The following SLC26A8 variants were observed in gnomAD, a reference collection of about 807,000 sequenced individuals.
The protein encoded by SLC26A8 is testis anion transporter 1.
A neutral mutation model predicts 105.0 loss-of-function variants in SLC26A8; 70 were observed. The ratio of observed to expected loss-of-function variants is 0.67; its 90% CI spans 0.55 to 0.81. The LOEUF is 0.81. Ranked by LOEUF, SLC26A8 falls within the 40% of genes least tolerant of loss-of-function variation. The probability of loss-of-function intolerance (pLI) is 0.00; values close to 1 mark genes in which losing one functional copy is unlikely to be tolerated. For synonymous variants in SLC26A8, 415 were observed against 438.3 expected (o/e 0.95, Z 0.66); for missense variants, 998 against 1,181.8 (o/e 0.84, Z 2.28).
At chr6:35,995,152 A>G (rs1418875686) in intron 5 of SLC26A8, among the ~76,000 whole-genome samples, 4 of 152,244 alleles carry the variant, frequency 2.6e-5, no homozygotes, top group Non-Finnish European at 5.9e-5. Flanking sequence ...TATCACTCAT[A>G]TATGCAAATA....
intron 3 of SLC26A8, among the ~76,000 whole-genome samples, chr6:36,006,263 G>A (rs1761681528): frequency 1.3e-5 from 2 of 152,160 alleles, no homozygotes; most frequent in East Asian, 3.9e-4. Context: ...GGGATTACAG[G>A]CACATACCAC....
chr6:35,992,791 G>A, intron 5 of SLC26A8, 117 bp from the exon 6 acceptor site: 1 of 932,166 alleles, frequency 1.1e-6, no homozygotes, highest in Non-Finnish European at 1.6e-6. Flanking sequence ...GGCCCCTTTG[G>A]TAACTCTTGT....
In SLC26A8 at chr6:35,981,703, C is replaced by G. The variant is rs567601311; in HGVS notation, c.1025+418G>C. ...AAATAAAACAGGGCATCTATTTAGT[C>G]TAAGTTTGTGAAGGCAAAAGGAACG... On this transcript the variant is annotated intron_variant, in intron 8 of 19. Transcript: ENST00000490799. This position sits in a 1 kb window ranked among gnomAD's most constrained non-coding sequence, Gnocchi z 4.0. Among the ~76,000 whole-genome samples the G allele has an allele frequency of 2.6e-5, 4 of 152,150 alleles. No individual in the cohort carries two copies. In the South Asian group the frequency reaches 6.2e-4, roughly 24 times the overall value.
At position 35,955,382 on chromosome 6, in the gene SLC26A8, C is replaced by T. The variant is rs141797526; in HGVS notation, c.2002G>A (p.Val668Met). The T allele has an allele frequency of 1.1e-5, 18 of 1,614,202 alleles. No individual in the cohort carries two copies. The highest frequency in any genetic ancestry group is 5.5e-5 in the South Asian group (5 of 91,088). Residue 668 changes from valine to methionine, a missense_variant, in exon 17 of 20, where the codon GTG (valine) becomes ATG (methionine). Physicochemically the swap from Val to Met is conservative, Grantham distance 21 (BLOSUM62 1). Transcript: ENST00000490799. ...TGTTGCCCTTGATTTTTCTGAGACA[C>T]GGACGATACTGTGTATGGCACTTGG... ...EDQVPYTVSS[V>M]SQKNQGQQYE...
intron 1 of SLC26A8, among the ~76,000 whole-genome samples, chr6:36,023,208 T>TCCA (rs1487708465): frequency 1.3e-4 from 20 of 151,370 alleles, no homozygotes; most frequent in African/African-American, 4.6e-4. Context: ...CATCCATCCA[T>TCCA]TTATCTAATT....
chr6:35,987,537 A>G (rs1042638572), intron 7 of SLC26A8, among the ~76,000 whole-genome samples: 2 of 152,048 alleles, frequency 1.3e-5, no homozygotes, highest in Non-Finnish European at 2.9e-5. Context: ...ATGCCCAGCT[A>G]ATTTTTTTGT....
chr6:35,977,205 T>C lies in SLC26A8; in HGVS notation c.1172A>G (p.Gln391Arg), dbSNP rs1049238385. 1 of 1,613,252 alleles carries C rather than the reference T, an allele frequency of 6.2e-7. No individual in the cohort carries two copies. Among genetic ancestry groups the C allele is most frequent in the Non-Finnish European group, 8.5e-7 (1 of 1,179,658 alleles). Residue 391 changes from glutamine to arginine, a missense_variant and splice_region_variant, in exon 9 of 20, where the codon CAG (glutamine) becomes CGG (arginine). By Grantham distance (43) the Gln-to-Arg change is conservative (BLOSUM62 1). Transcript: ENST00000490799. Reference sequence around the variant, plus strand: ...CAGAGGAAGTAGTAGTCCTCTCACCTGGTTGGAATTGACACTGTAATTGTG... The same window carrying C: ...CAGAGGAAGTAGTAGTCCTCTCACCCGGTTGGAATTGACACTGTAATTGTG... ...SLHNYSVNSN[Q>R]DLIAIGLCNV...
chr6:35,984,254 T>C (rs74588679), intron 7 of SLC26A8, among the ~76,000 whole-genome samples: 1 of 152,006 alleles, frequency 6.6e-6, no homozygotes, highest in East Asian at 1.9e-4. Flanking sequence ...TCATGAAGCA[T>C]TGTAATTATT....
At chr6:35,952,634 A>G (rs1471453318) in intron 17 of SLC26A8, among the ~76,000 whole-genome samples, 1 of 152,192 alleles carries the variant, frequency 6.6e-6, no homozygotes, top group African/African-American at 2.4e-5. Context: ...AAAGGGCCAC[A>G]ACAGACTCTA....
At chr6:35,951,047 C>CA in intron 19 of SLC26A8, 116 bp downstream of exon 19, 1 of 1,021,126 alleles carries the variant, frequency 9.8e-7, no homozygotes. Flanking sequence ...CTTTCCTGGA[C>CA]ATTATTCCTC....
At chr6:35,977,101 C>G in intron 9 of SLC26A8, 103 bp downstream of exon 9, 1 of 1,292,974 alleles carries the variant, frequency 7.7e-7, no homozygotes, top group African/African-American at 1.5e-5. Context: ...AAACCATGGT[C>G]CAAGTGGCTC....
intron 11 of SLC26A8, among the ~76,000 whole-genome samples, chr6:35,966,209 C>T (rs758481762): frequency 3.6e-4 from 55 of 152,190 alleles, no homozygotes; most frequent in African/African-American, 1.2e-3. Flanking sequence ...AGTAGAGGAG[C>T]GAAAAGCAAA....
At chr6:35,957,699 T>C (rs1772137614) in intron 16 of SLC26A8, among the ~76,000 whole-genome samples, 1 of 151,498 alleles carries the variant, frequency 6.6e-6, no homozygotes, top group Non-Finnish European at 1.5e-5. Flanking sequence ...TTCCGCCTCC[T>C]GGGTTCAAGC....
rs138344479 is a variant in SLC26A8 at position 35,955,184 on chromosome 6, C to A, written c.2200G>T (p.Val734Leu). Residue 734 changes from valine to leucine, a missense_variant, in exon 17 of 20, where the codon GTG becomes TTG. Transcript: ENST00000490799. Reference protein sequence around the residue: ...IILDFSMVHYVDSRGLVVLRQ... With the variant: ...IILDFSMVHYLDSRGLVVLRQ... Reference sequence around the variant, plus strand: ...AATACGACTAACCCCCGTGAATCCACGTAGTGTACCATGGAGAAATCCAGG... The same window carrying A: ...AATACGACTAACCCCCGTGAATCCAAGTAGTGTACCATGGAGAAATCCAGG... 1.1e-5 allele frequency: 18 copies of A among 1,614,016 alleles called. No homozygotes were observed. Among genetic ancestry groups the A allele is most frequent in the Non-Finnish European group, 1.5e-5 (18 of 1,180,036 alleles).
At position 35,997,881 on chromosome 6, in the gene SLC26A8, G is replaced by C. The variant is rs1350098973; in HGVS notation, c.484C>G (p.Leu162Val). Residue 162 changes from leucine to valine, a missense_variant, in exon 5 of 20, where the codon CTG becomes GTG. Coordinates refer to ENST00000490799, the MANE Select transcript of SLC26A8 (RefSeq NM_052961.4). ...CCGTTGTTGAATGGGCTCACTTTCA[G>C]AACGTTGATCAGCAGAGCACTCACC... Reference protein sequence around the residue: ...FLVSALLINVLKVSPFNNGQL... With the variant: ...FLVSALLINVVKVSPFNNGQL... 6.8e-6 allele frequency: 11 copies of C among 1,614,032 alleles called. No individual in the cohort carries two copies. The highest frequency in any genetic ancestry group is 1.6e-4 in the Middle Eastern group (1 of 6,070).
At chr6:36,023,546 C>CAAAAAAAAAAAAAA (rs59633591) in intron 1 of SLC26A8, among the ~76,000 whole-genome samples, 6 of 63,506 alleles carry the variant, frequency 9.4e-5, no homozygotes, top group Non-Finnish European at 1.3e-4. Flanking sequence ...GACTCTGTCT[C>CAAAAAAAAAAAAAA]AAAAAAAAAA....
intron 7 of SLC26A8, among the ~76,000 whole-genome samples, chr6:35,987,903 C>G (rs1344306963): frequency 8.3e-6 from 1 of 119,844 alleles, no homozygotes; most frequent in Non-Finnish European, 1.7e-5. Flanking sequence ...ATTCAGCAAC[C>G]TTTCTTTCTT....
chr6:36,022,298 C>G (rs879332288), intron 1 of SLC26A8, among the ~76,000 whole-genome samples: 1 of 152,182 alleles, frequency 6.6e-6, no homozygotes, highest in South Asian at 2.1e-4. Flanking sequence ...AGTAGTAATA[C>G]GCACAGAGAT....
intron 1 of SLC26A8, among the ~76,000 whole-genome samples, chr6:36,020,298 C>T (rs992383830): frequency 1.3e-5 from 2 of 152,182 alleles, no homozygotes; most frequent in African/African-American, 4.8e-5. Context: ...AGCCCCAGGA[C>T]CCAAAAGAAT....
Sources: gnomAD v4.1 joint callset for allele counts (sites outside exome capture counted in the v4.1 genomes callset) on GRCh38, gnomAD v4.1.1 for gene constraint, Gnocchi (gnomAD v3.1) non-coding constraint, MANE v1.5 for transcripts, NCBI Gene and HGNC (gene_info 2026-07-23, HGNC 2026-07-21) for gene names.